The following ZNF609 variants were observed in gnomAD, a reference collection of about 807,000 sequenced individuals.
ZNF609 encodes zinc finger protein 609.
Under a neutral mutation model 109.5 loss-of-function variants are expected in ZNF609, and 11 were observed. That is an observed-to-expected ratio of 0.10 (90% confidence interval 0.06 to 0.17). ZNF609 has a LOEUF of 0.17. Ranked by LOEUF, ZNF609 falls within the 10% of genes least tolerant of loss-of-function variation. The pLI, the probability that ZNF609 is intolerant of heterozygous loss-of-function variation, is 1.00. For missense variants in ZNF609, 1,559 were observed against 1,772.4 expected (o/e 0.88, Z 2.16); for synonymous variants, 646 against 662.0 (o/e 0.98, Z 0.37).
At chr15:64,541,027 CAA>C (rs1287975678) in intron 2 of ZNF609, among the ~76,000 whole-genome samples, 9 of 53,688 alleles carry the variant, frequency 1.7e-4, no homozygotes, top group Admixed American at 3.9e-4. Flanking sequence ...GACTCTGTCT[CAA>C]AAAAAAAAAA....
At chr15:64,635,932 C>T (rs1896166776) in intron 3 of ZNF609, among the ~76,000 whole-genome samples, 2 of 152,158 alleles carry the variant, frequency 1.3e-5, no homozygotes, top group Admixed American at 6.5e-5. Context: ...TATTCCATCT[C>T]CCTCAGGCTT....
At position 64,499,379 on chromosome 15, in the gene ZNF609, A is replaced by T; in HGVS notation, c.-41A>T. 6.3e-7 allele frequency: 1 copy of T among 1,590,892 alleles called. No individual in the cohort carries two copies. Among genetic ancestry groups the T allele is most frequent in the Non-Finnish European group, 8.6e-7 (1 of 1,168,144 alleles). ...GCTGAAAATAGGAAAGCTGGGGGCA[A>T]GGAAGAGCCTTGAATCTTGAGGTGG... On this transcript the variant is annotated 5_prime_UTR_variant, in exon 2 of 10. In the 5' UTR this introduces an upstream ATG that the reference lacks. Transcript: ENST00000326648.
rs1302153002 is a variant in ZNF609 at position 64,678,129 on chromosome 15, G to A, written c.3416G>A (p.Arg1139Gln). 10 of 1,598,926 alleles carry A rather than the reference G, an allele frequency of 6.3e-6. No homozygotes were observed. The highest frequency in any genetic ancestry group is 4.4e-5 in the South Asian group (4 of 90,722). ...TGATTGTTGTAGGAGGCAGAGCCCC[G>A]GATGTGGACATATGTTTATCCTGCC... ...ILWYRQEAEP[R>Q]MWTYVYPAKY... Residue 1139 changes from arginine to glutamine, a missense_variant, in exon 6 of 10, where the codon CGG becomes CAG. Physicochemically the swap from Arg to Gln is conservative, Grantham distance 43. Around this residue, in one of 4 missense-constraint regions of ZNF609, gnomAD observed 1,204 missense variants for 1,314.1 expected, o/e 0.92. Coordinates refer to ENST00000326648, the MANE Select transcript of ZNF609 (RefSeq NM_015042.2).
intron 2 of ZNF609, among the ~76,000 whole-genome samples, chr15:64,608,964 T>C (rs1895659938): frequency 6.6e-6 from 1 of 152,114 alleles, no homozygotes; most frequent in African/African-American, 2.4e-5. Flanking sequence ...CTGGAAATCC[T>C]GGGCTAAAGC....
intron 2 of ZNF609, among the ~76,000 whole-genome samples, chr15:64,561,546 C>CTTTTT (rs923856577): frequency 7.0e-6 from 1 of 142,306 alleles, no homozygotes; most frequent in African/African-American, 2.5e-5. Context: ...CTTTTCTTTT[C>CTTTTT]TTTTTCTTTT....
intron 2 of ZNF609, among the ~76,000 whole-genome samples, chr15:64,552,169 A>G (rs1894493375): frequency 6.6e-6 from 1 of 152,090 alleles, no homozygotes; most frequent in African/African-American, 2.4e-5. Flanking sequence ...TAAGTTCTTA[A>G]TTTGGAAGTT....
intron 3 of ZNF609, among the ~76,000 whole-genome samples, chr15:64,624,254 TAG>T (rs940234600): frequency 6.6e-6 from 1 of 152,118 alleles, no homozygotes; most frequent in African/African-American, 2.4e-5. Flanking sequence ...GCAGAGAAGG[TAG>T]AGAGAGAGTT....
chr15:64,515,478 T>C (rs1893793081), intron 2 of ZNF609, among the ~76,000 whole-genome samples: 1 of 152,092 alleles, frequency 6.6e-6, no homozygotes, highest in African/African-American at 2.4e-5. Context: ...AGGGCAAAGC[T>C]CCCAGAAATG....
intron 2 of ZNF609, among the ~76,000 whole-genome samples, chr15:64,588,815 T>G (rs1895246467): frequency 6.6e-6 from 1 of 152,022 alleles, no homozygotes; most frequent in African/African-American, 2.4e-5. Flanking sequence ...ATTTTGTATT[T>G]TTAATAGAGA....
At chr15:64,515,971 A>G (rs1244287333) in intron 2 of ZNF609, among the ~76,000 whole-genome samples, 2 of 151,934 alleles carry the variant, frequency 1.3e-5, no homozygotes, top group African/African-American at 4.8e-5. Context: ...AAGCAGGTAA[A>G]TGTCCTCATG....
chr15:64,598,784 A>ATATATC (rs1567025010), intron 2 of ZNF609, among the ~76,000 whole-genome samples: 4 of 116,948 alleles, frequency 3.4e-5, no homozygotes, highest in Non-Finnish European at 5.2e-5. Context: ...ATATATATAT[A>ATATATC]TATCCTGTTA....
intron 3 of ZNF609, among the ~76,000 whole-genome samples, chr15:64,649,615 A>G (rs976188359): frequency 6.6e-6 from 1 of 152,198 alleles, no homozygotes; most frequent in Non-Finnish European, 1.5e-5. Flanking sequence ...AGGGTTATTT[A>G]TTCTGTTCAG....
At position 64,486,316 on chromosome 15, in the gene ZNF609, G is replaced by C. The variant is rs531931404; in HGVS notation, c.-127-12977G>C. Among the ~76,000 whole-genome samples, 86 of 152,214 alleles carry C rather than the reference G, an allele frequency of 5.6e-4. 1 individual carries two copies. The highest frequency in any genetic ancestry group is 2.0e-3 in the African/African-American group (84 of 41,546). On this transcript the variant is annotated intron_variant, in intron 1 of 9. Coordinates refer to ENST00000326648, the MANE Select transcript of ZNF609 (RefSeq NM_015042.2). The stretch of plus-strand genomic sequence containing the variant: ...AGGCAGGCGGATCACCTGAGGTCAG[G>C]AGTTCGAGACAAGCCTACCCAACAT...
At chr15:64,495,204 C>T (rs1313454731) in intron 1 of ZNF609, among the ~76,000 whole-genome samples, 1 of 152,244 alleles carries the variant, frequency 6.6e-6, no homozygotes, top group East Asian at 1.9e-4. Context: ...TTTGTCTTTC[C>T]TTATTGTTAA....
chr15:64,481,853 C>T (rs533555145), intron 1 of ZNF609, among the ~76,000 whole-genome samples: 80 of 152,258 alleles, frequency 5.3e-4, no homozygotes, highest in African/African-American at 1.7e-3. Context: ...GGCACGATCT[C>T]GGCTCACTTC....
chr15:64,521,861 CATT>C (rs1644195707), intron 2 of ZNF609, among the ~76,000 whole-genome samples: 1 of 152,190 alleles, frequency 6.6e-6, no homozygotes, highest in Non-Finnish European at 1.5e-5. Context: ...CCTGTCCCTT[CATT>C]ATTCTTTACT....
chr15:64,650,965 G>C (rs1166247103), intron 3 of ZNF609, among the ~76,000 whole-genome samples: 4 of 152,112 alleles, frequency 2.6e-5, no homozygotes, highest in Admixed American at 2.0e-4. Context: ...GCCCGGCAGA[G>C]CCAATTTGGC....
chr15:64,610,862 G>A (rs534969), intron 2 of ZNF609, among the ~76,000 whole-genome samples: 131,895 of 152,106 alleles, frequency 0.87, 58,454 homozygotes, highest in East Asian at 0.96. Context: ...GTCCAGCCAC[G>A]TTATAGGTTA....
chr15:64,628,817 G>T (rs1369002906), intron 3 of ZNF609, among the ~76,000 whole-genome samples: 2 of 151,962 alleles, frequency 1.3e-5, no homozygotes, highest in Non-Finnish European at 2.9e-5. Context: ...TAGAGATGGG[G>T]TTTTTCCATT....
Sources: gnomAD v4.1 joint callset for allele counts (sites outside exome capture counted in the v4.1 genomes callset) on GRCh38, gnomAD v4.1.1 for gene constraint, gnomAD v4.1.1 regional missense constraint, MANE v1.5 for transcripts, NCBI Gene and HGNC (gene_info 2026-07-23, HGNC 2026-07-21) for gene names.